Variants in CNTN4 observed in about 807,000 individuals in gnomAD.
CNTN4 encodes the protein contactin 4.
Under a neutral mutation model 122.5 loss-of-function variants are expected in CNTN4, and 77 were observed. The ratio of observed to expected loss-of-function variants is 0.63; its 90% CI spans 0.52 to 0.76. CNTN4 has a LOEUF of 0.76. Ranked by LOEUF, CNTN4 falls within the 30% of genes least tolerant of loss-of-function variation. The pLI, the probability that CNTN4 is intolerant of heterozygous loss-of-function variation, is 0.00. For missense variants in CNTN4, 1,256 were observed against 1,259.1 expected (o/e 1.00, Z 0.04); for synonymous variants, 512 against 447.0 (o/e 1.15, Z -1.83).
At chr3:3,020,353 G>A (rs1008111964) in intron 14 of CNTN4, among the ~76,000 whole-genome samples, 2 of 152,138 alleles carry the variant, frequency 1.3e-5, no homozygotes, top group Admixed American at 6.5e-5. Flanking sequence ...AGCAGGGCAC[G>A]TGTAAAAAAG....
intron 3 of CNTN4, among the ~76,000 whole-genome samples, chr3:2,463,369 C>G (rs2049299625): frequency 6.6e-6 from 1 of 152,172 alleles, no homozygotes; most frequent in Non-Finnish European, 1.5e-5. Flanking sequence ...TTTATATTAT[C>G]AAAGTTAAAT....
intron 4 of CNTN4, among the ~76,000 whole-genome samples, chr3:2,636,906 CTCTT>C (rs1056213717): frequency 2.3e-4 from 34 of 145,112 alleles, no homozygotes; most frequent in Admixed American, 6.9e-4. Context: ...TTTTCTTTTC[CTCTT>C]TCTTTCTTTC....
chr3:2,449,443 C>T (rs939687197), intron 3 of CNTN4, among the ~76,000 whole-genome samples: 7 of 151,934 alleles, frequency 4.6e-5, no homozygotes, highest in Admixed American at 1.3e-4. Context: ...GGCAAAACCC[C>T]GTCTCTACTA....
At chr3:2,682,616 A>G (rs2085221255) in intron 4 of CNTN4, among the ~76,000 whole-genome samples, 1 of 152,196 alleles carries the variant, frequency 6.6e-6, no homozygotes. Flanking sequence ...AAGTGTATAA[A>G]GTATATATAG....
chr3:2,710,286 C>T (rs1268314926), intron 4 of CNTN4, among the ~76,000 whole-genome samples: 1 of 152,170 alleles, frequency 6.6e-6, no homozygotes, highest in Non-Finnish European at 1.5e-5. Flanking sequence ...AAGCACTTCA[C>T]AGGTTGCCTA....
chr3:2,925,964 G>T (rs78210627), intron 13 of CNTN4, among the ~76,000 whole-genome samples, 185 bp downstream of exon 13: 236 of 152,288 alleles, frequency 1.5e-3, no homozygotes, highest in African/African-American at 5.4e-3. Context: ...CTGGATTTGG[G>T]AATTCTACAA....
intron 3 of CNTN4, among the ~76,000 whole-genome samples, chr3:2,552,509 C>T (rs1041169887): frequency 6.6e-6 from 1 of 152,116 alleles, no homozygotes; most frequent in African/African-American, 2.4e-5. Context: ...TGGACTCTAC[C>T]TAACCTCAGA....
intron 2 of CNTN4, among the ~76,000 whole-genome samples, chr3:2,192,191 C>T (rs1331545992): frequency 3.3e-5 from 5 of 152,140 alleles, no homozygotes; most frequent in Non-Finnish European, 7.3e-5. Flanking sequence ...AGTAAACATA[C>T]GTGTGCATGT....
chr3:2,544,357 A>G (rs970978032), intron 3 of CNTN4, among the ~76,000 whole-genome samples: 5 of 152,100 alleles, frequency 3.3e-5, no homozygotes, highest in African/African-American at 1.2e-4. Flanking sequence ...ATCCAAGTAT[A>G]TTCTTAAACA....
intron 7 of CNTN4, among the ~76,000 whole-genome samples, chr3:2,835,351 TACTTA>T (rs780318176): frequency 6.6e-6 from 1 of 152,204 alleles, no homozygotes; most frequent in Non-Finnish European, 1.5e-5. Context: ...GCATATTTGT[TACTTA>T]ACTTGATAGG....
intron 2 of CNTN4, among the ~76,000 whole-genome samples, chr3:2,237,674 T>C (rs902189469): frequency 6.6e-6 from 1 of 151,274 alleles, no homozygotes; most frequent in Non-Finnish European, 1.5e-5. Context: ...ATTTTATTTC[T>C]GGTCTAAAAA....
At chr3:2,181,528 T>A (rs900330115) in intron 2 of CNTN4, among the ~76,000 whole-genome samples, 3 of 152,102 alleles carry the variant, frequency 2.0e-5, no homozygotes, top group Non-Finnish European at 4.4e-5. Context: ...TGTCACATTG[T>A]ACTTGGAATG....
chr3:2,394,651 A>G (rs1044954996), intron 3 of CNTN4, among the ~76,000 whole-genome samples: 2 of 152,182 alleles, frequency 1.3e-5, no homozygotes, highest in African/African-American at 4.8e-5. Flanking sequence ...ATTACTTTGG[A>G]AAAGGGTTTG....
rs1575237197 is a variant in CNTN4 at position 2,275,699 on chromosome 3, A to T, written c.-144-63479A>T. Among the ~76,000 whole-genome samples the T allele has an allele frequency of 2.6e-5, 4 of 152,084 alleles. No homozygotes were observed. In the South Asian group the frequency reaches 8.3e-4, roughly 32 times the overall value. On this transcript the variant is annotated intron_variant, in intron 2 of 24. Coordinates refer to ENST00000418658, the MANE Select transcript of CNTN4 (RefSeq NM_175607.3). The stretch of plus-strand genomic sequence containing the variant: ...CACTTTGGCAGGCTGAGGCGGGCGG[A>T]TCATGAGGTCAGGCATTTGAGACCA...
At chr3:2,796,488 A>G (rs933817735) in intron 6 of CNTN4, among the ~76,000 whole-genome samples, 2 of 152,142 alleles carry the variant, frequency 1.3e-5, no homozygotes, top group Non-Finnish European at 2.9e-5. Context: ...ATGTGCCCTT[A>G]TTTCTCTAAG....
At chr3:3,043,905 A>G (rs1416077202) in intron 23 of CNTN4, among the ~76,000 whole-genome samples, 1 of 152,158 alleles carries the variant, frequency 6.6e-6, no homozygotes, top group Non-Finnish European at 1.5e-5. Context: ...CAATCACCTT[A>G]ACTTTAGTCT....
intron 3 of CNTN4, among the ~76,000 whole-genome samples, chr3:2,451,895 C>T (rs1245647247): frequency 6.6e-6 from 1 of 152,032 alleles, no homozygotes; most frequent in Non-Finnish European, 1.5e-5. Context: ...TATCTCTTTC[C>T]CTCACATTCC....
In CNTN4 at chr3:2,385,300, C is replaced by G. The variant is rs1294136037; in HGVS notation, c.-89+46067C>G. 6.6e-6 allele frequency among the ~76,000 whole-genome samples: 1 copy of G among 152,042 alleles called. No homozygotes were observed. The highest frequency in any genetic ancestry group is 1.5e-5 in the Non-Finnish European group (1 of 68,004). ...CAGTAATATCAAATCACTTAAAACT[C>G]TCCCAACAAACAATACCTGTTTATA... On this transcript the variant is annotated intron_variant, in intron 3 of 24. Coordinates refer to ENST00000418658, the MANE Select transcript of CNTN4 (RefSeq NM_175607.3). This position sits in a 1 kb window ranked among gnomAD's most constrained non-coding sequence, Gnocchi z 4.0.
At chr3:2,321,053 G>A (rs1364195106) in intron 2 of CNTN4, among the ~76,000 whole-genome samples, 3 of 152,194 alleles carry the variant, frequency 2.0e-5, no homozygotes, top group Middle Eastern at 6.8e-3. Context: ...CTTGTTGGGT[G>A]GCTGAATTCT....
Sources: allele counts gnomAD v4.1 joint callset (sites outside exome capture counted in the v4.1 genomes callset), GRCh38; gene constraint gnomAD v4.1.1; non-coding constraint Gnocchi (gnomAD v3.1); transcripts MANE v1.5; gene names NCBI Gene and HGNC (gene_info 2026-07-23, HGNC 2026-07-21).